The following SIAH3 variants were observed in gnomAD, a reference collection of about 807,000 sequenced individuals.
The protein encoded by SIAH3 is siah E3 ubiquitin protein ligase family member 3, also known as seven in absentia homolog 3.
In SIAH3, 9 loss-of-function variants were observed where a neutral mutation model predicts 12.6. That is an observed-to-expected ratio of 0.72 (90% CI 0.43 to 1.25). The LOEUF (loss-of-function observed/expected upper bound fraction) is 1.25, where lower values mean the gene tolerates loss of function less well. Ranked by LOEUF, SIAH3 falls within the 50% of genes most tolerant of loss-of-function variation. SIAH3 has a pLI of 0.00. For synonymous variants in SIAH3, 154 were observed against 151.1 expected, an observed-to-expected ratio of 1.02 and a Z score of -0.14; for missense variants, 390 against 365.4, an observed-to-expected ratio of 1.07 and a Z score of -0.55.
chr13:45,818,463 T>G (rs1950643065), intron 1 of SIAH3, among the ~76,000 whole-genome samples: 1 of 152,212 alleles, frequency 6.6e-6, no homozygotes, highest in Non-Finnish European at 1.5e-5. Flanking sequence ...AAATTTATGC[T>G]CTCAGAGTTT....
Position 45,779,379 on chromosome 13 carries a change from C to T in SIAH3, c.*4004G>A, listed in dbSNP as rs1308225982. 3 of 152,064 alleles carry T rather than the reference C, an allele frequency of 2.0e-5. No individual in the cohort carries two copies. Among genetic ancestry groups the T allele is most frequent in the African/African-American group, 7.2e-5 (3 of 41,382 alleles). The allele number at this position is 152,064 out of a possible 1,614,324, so 9.4% of individuals were successfully genotyped here. A position where few individuals can be genotyped will look rare whatever the true frequency, so the allele number is the denominator to read the frequency against. Reference sequence around the variant, plus strand: ...CCAGAATACAAGCAGCTCTAGTACTCCACTAGGTCTTGGGTTGAAAAAAGA... The same window carrying T: ...CCAGAATACAAGCAGCTCTAGTACTTCACTAGGTCTTGGGTTGAAAAAAGA... On this transcript the variant is annotated 3_prime_UTR_variant, in exon 2 of 2. Coordinates refer to ENST00000400405, the MANE Select transcript of SIAH3 (RefSeq NM_198849.3).
intron 1 of SIAH3, among the ~76,000 whole-genome samples, chr13:45,836,447 A>G (rs1950718086): frequency 6.6e-6 from 1 of 152,192 alleles, no homozygotes; most frequent in African/African-American, 2.4e-5. Context: ...TTATCAAGGA[A>G]CAAGATCGTG....
intron 1 of SIAH3, among the ~76,000 whole-genome samples, chr13:45,788,488 G>A (rs915834083): frequency 6.6e-6 from 1 of 152,200 alleles, no homozygotes; most frequent in Non-Finnish European, 1.5e-5. Context: ...TTAACCTTTA[G>A]AATAATGCGC....
intron 1 of SIAH3, among the ~76,000 whole-genome samples, chr13:45,787,928 T>A (rs1950533621): frequency 1.3e-5 from 2 of 152,324 alleles, no homozygotes; most frequent in Admixed American, 1.3e-4. Flanking sequence ...CCAGCAACGG[T>A]CATTTCCCCC....
intron 1 of SIAH3, among the ~76,000 whole-genome samples, chr13:45,821,984 T>C (rs1436509089): frequency 6.6e-6 from 1 of 152,096 alleles, no homozygotes; most frequent in African/African-American, 2.4e-5. Context: ...TCAGTGGCCG[T>C]TGTAGGGAAT....
intron 1 of SIAH3, among the ~76,000 whole-genome samples, chr13:45,791,975 C>A (rs1301819208): frequency 6.6e-6 from 1 of 152,160 alleles, no homozygotes; most frequent in African/African-American, 2.4e-5. Flanking sequence ...TCAAAGATTA[C>A]CATAGCTCCT....
chr13:45,833,534 G>T (rs1247645107), intron 1 of SIAH3, among the ~76,000 whole-genome samples: 2 of 151,982 alleles, frequency 1.3e-5, no homozygotes, highest in Non-Finnish European at 2.9e-5. Flanking sequence ...AACAAGGCAG[G>T]GCTAAGCACA....
chr13:45,837,553 G>C (rs1404583962), intron 1 of SIAH3, among the ~76,000 whole-genome samples: 1 of 120,712 alleles, frequency 8.3e-6, no homozygotes, highest in African/African-American at 2.8e-5. Flanking sequence ...AGGAAGGAAA[G>C]AAGGAGGGAA....
At chr13:45,827,297 C>T (rs1219683834) in intron 1 of SIAH3, among the ~76,000 whole-genome samples, 2 of 152,144 alleles carry the variant, frequency 1.3e-5, no homozygotes, top group African/African-American at 4.8e-5. Context: ...CAGTGTCTTG[C>T]AAACACGAGG....
chr13:45,801,708 C>T (rs1002237325), intron 1 of SIAH3, among the ~76,000 whole-genome samples: 1 of 152,158 alleles, frequency 6.6e-6, no homozygotes, highest in Non-Finnish European at 1.5e-5. Context: ...TTACCTTGAA[C>T]CATCATTTCA....
intron 1 of SIAH3, among the ~76,000 whole-genome samples, chr13:45,810,521 T>C (rs939062349): frequency 1.3e-5 from 2 of 152,142 alleles, no homozygotes. Context: ...AATCACCCTC[T>C]GGAAATAGAA....
At position 45,782,740 on chromosome 13, in the gene SIAH3, C is replaced by T. The variant is rs1008626705; in HGVS notation, c.*643G>A. ...GGAAGGTGGGCCTCTGACTACTCTC[C>T]TGAGCCCCAGCATCAACCTGAGCAC... On this transcript the variant is annotated 3_prime_UTR_variant, in exon 2 of 2. Transcript: ENST00000400405. The T allele has an allele frequency of 6.6e-6, 1 of 152,220 alleles. No individual in the cohort carries two copies. The highest frequency in any genetic ancestry group is 1.5e-5 in the Non-Finnish European group (1 of 68,092). 9.4% of individuals were successfully genotyped at this position (152,220 alleles called of 1,614,324 possible).
intron 1 of SIAH3, among the ~76,000 whole-genome samples, chr13:45,834,734 G>A (rs1950712119): frequency 6.6e-6 from 1 of 152,096 alleles, no homozygotes; most frequent in South Asian, 2.1e-4. Context: ...TCTTGTGCAG[G>A]TACCTAAACT....
At chr13:45,818,393 T>G (rs7358871) in intron 1 of SIAH3, among the ~76,000 whole-genome samples, 119,980 of 152,176 alleles carry the variant, frequency 0.79, 49,071 homozygotes, top group East Asian at 0.99. Context: ...TAATGACTTC[T>G]AAAGAGATCA....
chr13:45,843,030 C>CTGTGTGTGTGTGTGTGTGTG lies in SIAH3; in HGVS notation c.135+8464_135+8465insCACACACACACACACACACA, dbSNP rs1236849648. Among the ~76,000 whole-genome samples the CTGTGTGTGTGTGTGTGTGTG allele has an allele frequency of 2.4e-3, 157 of 64,500 alleles. No homozygotes were observed. The East Asian group carries it at 0.055, about 23-fold the overall frequency. 42.3% of individuals were successfully genotyped at this position (64,500 alleles called of 152,430 possible). A position where few individuals can be genotyped will look rare whatever the true frequency, so the allele number is the denominator to read the frequency against. On this transcript the variant is annotated intron_variant, in intron 1 of 1. Transcript: ENST00000400405. ...GAATTGCCATTATTTCTCTCTCTCTCTCTCTGTGTGTGTGTGTGTGTGTGT... is the reference window on the plus strand; with the variant it reads ...GAATTGCCATTATTTCTCTCTCTCTCTGTGTGTGTGTGTGTGTGTGTCTCTGTGTGTGTGTGTGTGTGTGT...
chr13:45,836,954 T>C (rs1485527105), intron 1 of SIAH3, among the ~76,000 whole-genome samples: 1 of 152,164 alleles, frequency 6.6e-6, no homozygotes, highest in Non-Finnish European at 1.5e-5. Context: ...TAAAAGAGAA[T>C]TGCATTTGTC....
intron 1 of SIAH3, among the ~76,000 whole-genome samples, chr13:45,823,619 C>A (rs1207571841): frequency 6.6e-6 from 1 of 152,230 alleles, no homozygotes; most frequent in Non-Finnish European, 1.5e-5. Flanking sequence ...ATTCTCCAAG[C>A]ACTTGAAAGA....
chr13:45,823,062 G>A (rs183532153), intron 1 of SIAH3, among the ~76,000 whole-genome samples: 1 of 152,288 alleles, frequency 6.6e-6, no homozygotes, highest in Non-Finnish European at 1.5e-5. Context: ...GATTAAAGCT[G>A]TTAGCTCTTA....
chr13:45,797,538 G>C (rs145829524), intron 1 of SIAH3, among the ~76,000 whole-genome samples: 2 of 152,156 alleles, frequency 1.3e-5, no homozygotes. Flanking sequence ...TACCCAAGCC[G>C]CAAAACTCTC....
Sources: allele counts gnomAD v4.1 joint callset (sites outside exome capture counted in the v4.1 genomes callset), GRCh38; gene constraint gnomAD v4.1.1; transcripts MANE v1.5; gene names NCBI Gene and HGNC (gene_info 2026-07-23, HGNC 2026-07-21).